NOL4: variants seen among roughly 807,000 people sequenced by gnomAD.
NOL4 encodes nucleolar protein 4.
Under a neutral mutation model 75.9 loss-of-function variants are expected in NOL4, and 17 were observed. That is an observed-to-expected ratio of 0.22 (90% CI 0.15 to 0.34). The LOEUF is 0.34. Among genes scored for constraint, NOL4 ranks in the 10% least tolerant of loss-of-function variants. NOL4 has a pLI of 1.00. For missense variants in NOL4, 614 were observed against 793.5 expected (o/e 0.77, Z 2.72); for synonymous variants, 292 against 289.9 (o/e 1.01, Z -0.07).
At position 34,167,001 on chromosome 18, in the gene NOL4, G is replaced by A. The variant is rs1211123902; in HGVS notation, c.265-36981C>T. 1.3e-4 allele frequency among the ~76,000 whole-genome samples: 4 copies of A among 29,710 alleles called. 1 individual carries two copies. The highest frequency in any genetic ancestry group is 2.7e-4 in the Non-Finnish European group (4 of 15,056). The allele number at this position is 29,710 out of a possible 152,430, so 19.5% of individuals were successfully genotyped here. A position where few individuals can be genotyped will look rare whatever the true frequency, so the allele number is the denominator to read the frequency against. ...TGCAGTGAGCCGAGATTGTGCCACTGCAGTCCGCAGTCCGGCCTGGGCGAC... is the reference window on the plus strand; with the variant it reads ...TGCAGTGAGCCGAGATTGTGCCACTACAGTCCGCAGTCCGGCCTGGGCGAC... On this transcript the variant is annotated intron_variant, in intron 1 of 10. Transcript: ENST00000261592.
chr18:34,044,559 G>T (rs1042353918), intron 5 of NOL4, among the ~76,000 whole-genome samples: 2 of 151,924 alleles, frequency 1.3e-5, no homozygotes, highest in African/African-American at 4.8e-5. Context: ...TACTCTAAAT[G>T]CTATATACCA....
chr18:33,993,700 G>T (rs944812178), intron 6 of NOL4, among the ~76,000 whole-genome samples: 1 of 151,752 alleles, frequency 6.6e-6, no homozygotes, highest in African/African-American at 2.4e-5. Flanking sequence ...AAAACAAAAA[G>T]AAGCGATGAT....
chr18:33,919,321 T>C (rs988677300), intron 9 of NOL4, among the ~76,000 whole-genome samples: 22 of 152,212 alleles, frequency 1.4e-4, no homozygotes, highest in African/African-American at 4.6e-4. Context: ...CCTTTCCTCC[T>C]TGTGAGTGGA....
intron 6 of NOL4, among the ~76,000 whole-genome samples, chr18:34,013,587 C>T (rs757359227): frequency 1.3e-5 from 2 of 151,878 alleles, no homozygotes; most frequent in Non-Finnish European, 2.9e-5. Context: ...TAGTCCTTAC[C>T]TCAGTGCTCT....
intron 1 of NOL4, among the ~76,000 whole-genome samples, chr18:34,220,202 A>C (rs1330670738): frequency 6.6e-6 from 1 of 152,196 alleles, no homozygotes; most frequent in Non-Finnish European, 1.5e-5. Flanking sequence ...CTGTTCTAGT[A>C]TAACCTCCCA....
At chr18:34,099,230 G>C (rs2078926549) in intron 4 of NOL4, among the ~76,000 whole-genome samples, 1 of 151,322 alleles carries the variant, frequency 6.6e-6, no homozygotes, top group African/African-American at 2.4e-5. Context: ...TGGCATAGTG[G>C]CGGGCACCTG....
intron 6 of NOL4, among the ~76,000 whole-genome samples, chr18:33,998,022 TC>T (rs1462900218): frequency 6.6e-6 from 1 of 151,842 alleles, no homozygotes; most frequent in Non-Finnish European, 1.5e-5. Flanking sequence ...AAGAAAGCAG[TC>T]ATAAAGATGA....
intron 5 of NOL4, among the ~76,000 whole-genome samples, chr18:34,082,791 G>A (rs1600520389): frequency 6.6e-6 from 1 of 152,160 alleles, no homozygotes; most frequent in African/African-American, 2.4e-5. Flanking sequence ...TGAGTTGCAC[G>A]TTTTATTCTG....
At chr18:33,974,044 A>G (rs2071292820) in intron 6 of NOL4, among the ~76,000 whole-genome samples, 2 of 152,202 alleles carry the variant, frequency 1.3e-5, no homozygotes, top group Non-Finnish European at 2.9e-5. Flanking sequence ...TTCTTCTAAT[A>G]AAAGGCTATC....
At chr18:34,066,538 T>C (rs1483871612) in intron 5 of NOL4, among the ~76,000 whole-genome samples, 6 of 152,060 alleles carry the variant, frequency 3.9e-5, no homozygotes, top group African/African-American at 1.4e-4. Context: ...ATGTTTACAC[T>C]GTACACCCCA....
intron 6 of NOL4, among the ~76,000 whole-genome samples, chr18:33,997,139 T>C (rs2073349133): frequency 1.3e-5 from 2 of 151,920 alleles, no homozygotes; most frequent in South Asian, 2.1e-4. Context: ...TATTTTTGAG[T>C]ACTTACTAAT....
chr18:34,222,000 T>C (rs2037344632), intron 1 of NOL4: 5 of 1,528,592 alleles, frequency 3.3e-6, no homozygotes, highest in Non-Finnish European at 4.4e-6. Flanking sequence ...CCCCCATCCC[T>C]ACTCCAGGCG....
intron 9 of NOL4, among the ~76,000 whole-genome samples, chr18:33,940,117 GT>G (rs1401627454): frequency 1.3e-5 from 2 of 151,970 alleles, no homozygotes; most frequent in African/African-American, 4.8e-5. Flanking sequence ...GTGTAAATTA[GT>G]TCAACCATTG....
intron 9 of NOL4, among the ~76,000 whole-genome samples, chr18:33,920,249 AT>A (rs2066953138): frequency 6.6e-6 from 1 of 152,166 alleles, no homozygotes; most frequent in Admixed American, 6.5e-5. Context: ...TGATGTTAAA[AT>A]TTGTGCAACT....
chr18:33,913,963 T>G (rs2066559711), intron 9 of NOL4, among the ~76,000 whole-genome samples: 1 of 151,980 alleles, frequency 6.6e-6, no homozygotes, highest in Admixed American at 6.6e-5. Context: ...CACTGTGTGC[T>G]TGGTAATGAC....
At chr18:33,857,468 C>G (rs889989511) in intron 10 of NOL4, among the ~76,000 whole-genome samples, 1 of 151,920 alleles carries the variant, frequency 6.6e-6, no homozygotes, top group Non-Finnish European at 1.5e-5. Flanking sequence ...AATTTCAGAT[C>G]GAATTCAACA....
chr18:33,970,725 T>TTG (rs34125584), intron 6 of NOL4, among the ~76,000 whole-genome samples: 6,170 of 146,962 alleles, frequency 0.042, 202 homozygotes, highest in African/African-American at 0.098. Context: ...TTCAAGCTAT[T>TTG]TGTGTGTGTG....
intron 5 of NOL4, among the ~76,000 whole-genome samples, chr18:34,082,822 T>A (rs1023906224): frequency 1.3e-5 from 2 of 152,150 alleles, no homozygotes; most frequent in African/African-American, 4.8e-5. Flanking sequence ...GGAATGATTC[T>A]CCCTAACATT....
At chr18:34,104,263 A>G (rs2079167624) in intron 3 of NOL4, 104 bp from the exon 4 acceptor site, 1 of 715,330 alleles carries the variant, frequency 1.4e-6, no homozygotes, top group Non-Finnish European at 2.4e-6. Context: ...TTAGATATCA[A>G]GTGTCTTAAA....
Sources: gnomAD v4.1 joint callset for allele counts (sites outside exome capture counted in the v4.1 genomes callset) on GRCh38, gnomAD v4.1.1 for gene constraint, MANE v1.5 for transcripts, NCBI Gene and HGNC (gene_info 2026-07-23, HGNC 2026-07-21) for gene names.